The following RGS20 variants were observed in gnomAD, a reference collection of about 807,000 sequenced individuals.
The protein encoded by RGS20 is regulator of G protein signaling 20, also known as gz-selective GTPase-activating protein.
A neutral mutation model predicts 33.6 loss-of-function variants in RGS20; 30 were observed. The ratio of observed to expected loss-of-function variants is 0.89; its 90% CI spans 0.67 to 1.21. The LOEUF (loss-of-function observed/expected upper bound fraction) is 1.21, where lower values mean the gene tolerates loss of function less well. Among genes scored for constraint, RGS20 ranks in the 50% most tolerant of loss-of-function variants. The pLI, the probability that RGS20 is intolerant of heterozygous loss-of-function variation, is 0.00. For synonymous variants in RGS20, 208 were observed against 197.9 expected, an observed-to-expected ratio of 1.05 and a Z score of -0.43; for missense variants, 472 against 502.4, an observed-to-expected ratio of 0.94 and a Z score of 0.58.
At chr8:53,916,174 C>G (rs1291123089) in intron 2 of RGS20, among the ~76,000 whole-genome samples, 2 of 152,078 alleles carry the variant, frequency 1.3e-5, no homozygotes, top group Non-Finnish European at 2.9e-5. Context: ...AGGCATGTAC[C>G]ACAAAGTCCG....
At chr8:53,948,011 T>C (rs947582589) in intron 4 of RGS20, among the ~76,000 whole-genome samples, 17 of 135,904 alleles carry the variant, frequency 1.3e-4, no homozygotes, top group Non-Finnish European at 2.4e-4. Flanking sequence ...GCTATATATA[T>C]GATAGTATAT....
intron 1 of RGS20, among the ~76,000 whole-genome samples, chr8:53,859,682 T>C (rs1361666854): frequency 6.6e-6 from 1 of 152,136 alleles, no homozygotes; most frequent in South Asian, 2.1e-4. Flanking sequence ...CCGAGACTGG[T>C]TGATATATAA....
At chr8:53,902,731 C>CT (rs112845615) in intron 2 of RGS20, among the ~76,000 whole-genome samples, 20,206 of 147,364 alleles carry the variant, frequency 0.14, 3,982 homozygotes, top group African/African-American at 0.44. Context: ...ATGATTGGTT[C>CT]TTTTTTTTTT....
At chr8:53,875,454 A>G (rs75188386) in intron 1 of RGS20, among the ~76,000 whole-genome samples, 2 of 150,474 alleles carry the variant, frequency 1.3e-5, no homozygotes, top group African/African-American at 4.9e-5. Context: ...AAAAAAACCA[A>G]AAAAACCAAA....
intron 2 of RGS20, among the ~76,000 whole-genome samples, chr8:53,921,298 C>T (rs185311814): frequency 1.3e-3 from 199 of 152,212 alleles, no homozygotes; most frequent in African/African-American, 4.3e-3. Context: ...CAGAGTAATA[C>T]TGGTCTCAGA....
intron 2 of RGS20, among the ~76,000 whole-genome samples, chr8:53,929,918 T>C (rs981474845): frequency 2.6e-5 from 4 of 152,210 alleles, no homozygotes; most frequent in African/African-American, 7.2e-5. Context: ...TTTTATACCA[T>C]GTAAATAGTG....
At chr8:53,947,805 T>C (rs1214035572) in intron 4 of RGS20, among the ~76,000 whole-genome samples, 1 of 135,038 alleles carries the variant, frequency 7.4e-6, no homozygotes, top group Non-Finnish European at 1.6e-5. Flanking sequence ...ATATGCTATA[T>C]ATAGGATATA....
chr8:53,909,209 G>GTGTATGTGTATA (rs1242600309), intron 2 of RGS20, among the ~76,000 whole-genome samples: 2 of 43,724 alleles, frequency 4.6e-5, no homozygotes, highest in African/African-American at 1.1e-4. Flanking sequence ...TGGTATGTGT[G>GTGTATGTGTATA]TATATATATA....
chr8:53,946,744 G>A lies in RGS20; in HGVS notation c.739G>A (p.Glu247Lys). 6.2e-7 allele frequency: 1 copy of A among 1,611,922 alleles called. No individual in the cohort carries two copies. Among genetic ancestry groups the A allele is most frequent in the Non-Finnish European group, 8.5e-7 (1 of 1,178,972 alleles). Reference sequence around the variant, plus strand: ...CAGAGCAGATCTTCCAACCTGGGAAGAAAGGTGAAATCACACGTTTTTTTT... The same window carrying A: ...CAGAGCAGATCTTCCAACCTGGGAAAAAAGGTGAAATCACACGTTTTTTTT... The change falls in exon 4 of 6, where the codon GAA becomes AAA. Residue 247 changes from glutamate (E) to lysine (K), a missense_variant. By Grantham distance (56) the Glu-to-Lys change is moderately conservative (BLOSUM62 1). Around this residue, in one of 3 missense-constraint regions of RGS20, gnomAD observed 319 missense variants for 283.4 expected, o/e 1.13. Transcript: ENST00000297313.
intron 2 of RGS20, among the ~76,000 whole-genome samples, chr8:53,894,594 C>T (rs1426951835): frequency 6.6e-6 from 1 of 152,172 alleles, no homozygotes; most frequent in Non-Finnish European, 1.5e-5. Flanking sequence ...AATCCAAATC[C>T]ATCGAATGTG....
chr8:53,876,792 C>G (rs1047200565), intron 1 of RGS20: 1 of 152,276 alleles, frequency 6.6e-6, no homozygotes, highest in Non-Finnish European at 1.5e-5. Flanking sequence ...AGTGTGGGGC[C>G]GGCAAGCGGT....
intron 2 of RGS20, among the ~76,000 whole-genome samples, chr8:53,897,668 G>T (rs770867369): frequency 6.6e-6 from 1 of 151,702 alleles, no homozygotes; most frequent in Non-Finnish European, 1.5e-5. Flanking sequence ...TTTTTCATAC[G>T]CCAACTTGAA....
rs533760079 is a variant in RGS20, at chr8:53,926,092, T to C, written c.511-13484T>C. Reference sequence around the variant, plus strand: ...GGGTATGGTGGCACACACCTGTGGTTCCTGCTACTTGGGAGACTTGGACAG... The same window carrying C: ...GGGTATGGTGGCACACACCTGTGGTCCCTGCTACTTGGGAGACTTGGACAG... On this transcript the variant is annotated intron_variant, in intron 2 of 5. Transcript: ENST00000297313. Among the ~76,000 whole-genome samples the C allele has an allele frequency of 2.6e-5, 4 of 152,250 alleles. No individual in the cohort carries two copies. The East Asian group carries it at 7.7e-4, about 29-fold the overall frequency.
intron 2 of RGS20, among the ~76,000 whole-genome samples, chr8:53,923,594 CAA>C (rs77188328): frequency 1.5e-5 from 2 of 137,620 alleles, no homozygotes; most frequent in African/African-American, 2.7e-5. Flanking sequence ...GACTCTGTCT[CAA>C]AAAAAAAAAA....
At chr8:53,856,310 G>C (rs1811668874) in intron 1 of RGS20, among the ~76,000 whole-genome samples, 1 of 151,422 alleles carries the variant, frequency 6.6e-6, no homozygotes, top group East Asian at 1.9e-4. Flanking sequence ...CCACCTCCCA[G>C]GTTCAAGTGA....
Position 53,879,309 on chromosome 8 carries a change from G to C in RGS20, c.217G>C (p.Gly73Arg). Residue 73 changes from glycine (G) to arginine (R), a missense_variant, in exon 2 of 6, where the codon GGC becomes CGC. Gly to Arg is a moderately radical substitution (Grantham distance 125). Around this residue, in one of 3 missense-constraint regions of RGS20, gnomAD observed 319 missense variants for 283.4 expected, o/e 1.13. Coordinates refer to ENST00000297313, the MANE Select transcript of RGS20 (RefSeq NM_170587.4). ...CTCGCCCGCCGCCCCGAAGCTGTTC[G>C]GCCTCCTTTCTAGCCCGCTTTCCAG... is the stretch of plus-strand genomic sequence containing the variant. 6.2e-7 allele frequency: 1 copy of C among 1,613,354 alleles called. No individual in the cohort carries two copies. The highest frequency in any genetic ancestry group is 1.7e-5 in the Admixed American group (1 of 59,996).
intron 2 of RGS20, among the ~76,000 whole-genome samples, chr8:53,923,917 A>G (rs1177196131): frequency 1.3e-5 from 2 of 152,084 alleles, no homozygotes; most frequent in Non-Finnish European, 2.9e-5. Flanking sequence ...TTATTTGAGC[A>G]TCGCAACTTT....
chr8:53,877,631 C>T lies in RGS20; in HGVS notation c.166-1627C>T, dbSNP rs114540409. Among the ~76,000 whole-genome samples the T allele has an allele frequency of 3.1e-3, 472 of 152,296 alleles. 3 individuals are homozygous for T. The highest frequency in any genetic ancestry group is 0.011 in the African/African-American group (452 of 41,578). On this transcript the variant is annotated intron_variant, in intron 1 of 5. Coordinates refer to ENST00000297313, the MANE Select transcript of RGS20 (RefSeq NM_170587.4). The surrounding 1 kb of genome is among the most constrained non-coding windows in gnomAD (Gnocchi z 5.7). The stretch of plus-strand genomic sequence containing the variant: ...AGCTCCAGCCCCTAAAATAAAAGCA[C>T]CTTGCCAGAGAGCGGGGGAGGGGAG...
intron 2 of RGS20, among the ~76,000 whole-genome samples, chr8:53,909,215 A>G (rs540928884): frequency 0.018 from 739 of 42,008 alleles, 21 homozygotes; most frequent in African/African-American, 0.072. Context: ...GTGTGTATAT[A>G]TATATATATA....
Sources: allele counts gnomAD v4.1 joint callset (sites outside exome capture counted in the v4.1 genomes callset), GRCh38; gene constraint gnomAD v4.1.1; regional missense constraint gnomAD v4.1.1; non-coding constraint Gnocchi (gnomAD v3.1); transcripts MANE v1.5; gene names NCBI Gene and HGNC (gene_info 2026-07-23, HGNC 2026-07-21).